The following FAXDC2 variants were observed in gnomAD, a reference collection of about 807,000 sequenced individuals.
FAXDC2 encodes fatty acid hydroxylase domain containing 2.
A neutral mutation model predicts 40.9 loss-of-function variants in FAXDC2; 41 were observed. The ratio of observed to expected loss-of-function variants is 1.00; its 90% CI spans 0.78 to 1.30. The LOEUF is 1.30. FAXDC2 is among the 50% of genes most tolerant of loss of function. The probability of loss-of-function intolerance (pLI) is 0.00; values close to 1 mark genes in which losing one functional copy is unlikely to be tolerated. For missense variants in FAXDC2, 390 were observed against 408.8 expected (o/e 0.95, Z 0.40); for synonymous variants, 157 against 149.3 (o/e 1.05, Z -0.38).
chr5:154,830,508 TG>T, intron 5 of FAXDC2: 1 of 295,028 alleles, frequency 3.4e-6, no homozygotes, highest in African/African-American at 2.1e-5. Flanking sequence ...TGGAGTTGCC[TG>T]CCTTCTCAGT....
At chr5:154,835,603 CAG>C (rs1336225653) in intron 2 of FAXDC2, among the ~76,000 whole-genome samples, 16 of 152,062 alleles carry the variant, frequency 1.1e-4, no homozygotes, top group Non-Finnish European at 2.1e-4. Context: ...TTTTTTGAGA[CAG>C]AGTCTCGCTC....
chr5:154,820,805 A>C (rs767607281), intron 8 of FAXDC2: 1 of 254,136 alleles, frequency 3.9e-6, no homozygotes, highest in Non-Finnish European at 7.9e-6. Flanking sequence ...ACTAAAATGC[A>C]GGTTTCCAGG....
chr5:154,820,434 TG>T lies in FAXDC2; in HGVS notation c.883del (p.His295ThrfsTer111). 6.2e-7 allele frequency: 1 copy of T among 1,613,042 alleles called. No individual in the cohort carries two copies. Among genetic ancestry groups the T allele is most frequent in the East Asian group, 2.2e-5 (1 of 44,784 alleles). ...QCYGVLGVLD[H>X]LHGTDTMFKQ... ...GAACATGGTGTCAGTCCCATGGAGG[TG>T]GTCCAGCACACCCAGCACCCCATAG... On this transcript the variant is annotated frameshift_variant, in exon 9 of 9. Coordinates refer to ENST00000326080, the MANE Select transcript of FAXDC2 (RefSeq NM_032385.5). LOFTEE classifies it high-confidence loss of function.
In FAXDC2 at chr5:154,822,564, G is replaced by C. The variant is rs768098182; in HGVS notation, c.586C>G (p.Pro196Ala). The change falls in exon 7 of 9, where the codon CCA becomes GCA. Residue 196 changes from proline to alanine, a missense_variant. Coordinates refer to ENST00000326080, the MANE Select transcript of FAXDC2 (RefSeq NM_032385.5). ...FYYSHRLLHHPTFYKKIHKKH... is the reference protein window; with the variant it reads ...FYYSHRLLHHATFYKKIHKKH... ...TTGTGGATTTTCTTGTAGAATGTTG[G>C]GTGGTGAAGGAGCCTGGGGAAATAG... 6.2e-7 allele frequency: 1 copy of C among 1,613,732 alleles called. No homozygotes were observed. The highest frequency in any genetic ancestry group is 1.1e-5 in the South Asian group (1 of 91,080).
At chr5:154,822,439 C>T (rs1206080548) in intron 7 of FAXDC2, 33 bp downstream of exon 7, 5 of 1,512,282 alleles carry the variant, frequency 3.3e-6, no homozygotes, top group Non-Finnish European at 3.7e-6. Flanking sequence ...GGCCATCTGC[C>T]CTTTGCTCTG....
intron 4 of FAXDC2, among the ~76,000 whole-genome samples, chr5:154,833,414 C>T (rs1376037394): frequency 2.0e-5 from 3 of 150,662 alleles, no homozygotes; most frequent in Non-Finnish European, 3.0e-5. Flanking sequence ...GGCACCATCT[C>T]GGCTCACTGC....
chr5:154,824,834 A>G, intron 5 of FAXDC2: 1 of 328,876 alleles, frequency 3.0e-6, no homozygotes, highest in African/African-American at 2.1e-5. Context: ...CACACCTGTA[A>G]TCCCAGCACT....
intron 1 of FAXDC2, among the ~76,000 whole-genome samples, chr5:154,839,750 C>T (rs1009303496): frequency 6.6e-6 from 1 of 151,858 alleles, no homozygotes; most frequent in African/African-American, 2.4e-5. Flanking sequence ...ACTAGTTGTT[C>T]AAAAATTTTA....
Position 154,827,100 on chromosome 5 carries a change from T to C in FAXDC2, c.367-3508A>G, listed in dbSNP as rs1216010480. Reference sequence around the variant, plus strand: ...CTAGTGGATCACCTGAGGCCAGGAGTTCGAGACCAGCCTGGCCAACATGGT... The same window carrying C: ...CTAGTGGATCACCTGAGGCCAGGAGCTCGAGACCAGCCTGGCCAACATGGT... On this transcript the variant is annotated intron_variant, in intron 5 of 8. Transcript: ENST00000326080. Among the ~76,000 whole-genome samples, 5 of 151,488 alleles carry C rather than the reference T, an allele frequency of 3.3e-5. No homozygotes were observed. The East Asian group carries it at 9.7e-4, about 29-fold the overall frequency.
chr5:154,818,720 C>T lies in FAXDC2; in HGVS notation c.*1596G>A, dbSNP rs1480986621. On this transcript the variant is annotated 3_prime_UTR_variant, in exon 9 of 9. Coordinates refer to ENST00000326080, the MANE Select transcript of FAXDC2 (RefSeq NM_032385.5). ...CTTACAGTACCTCAAAATCTAAAGG[C>T]CTTAAAGGGGAAAAAAACCGTATCT... 6.6e-6 allele frequency: 1 copy of T among 152,196 alleles called. No individual in the cohort carries two copies. The highest frequency in any genetic ancestry group is 1.9e-4 in the East Asian group (1 of 5,202). 9.4% of individuals were successfully genotyped at this position (152,196 alleles called of 1,614,324 possible).
At chr5:154,824,705 G>A in intron 5 of FAXDC2, 3 of 594,002 alleles carry the variant, frequency 5.1e-6, no homozygotes, top group South Asian at 4.1e-5. Flanking sequence ...ACTGGGTGTT[G>A]AAAATAAAGC....
chr5:154,847,084 C>G (rs951503987), intron 1 of FAXDC2, among the ~76,000 whole-genome samples: 1 of 152,164 alleles, frequency 6.6e-6, no homozygotes, highest in Non-Finnish European at 1.5e-5. Context: ...CCACCTCAGT[C>G]CCCTGAGTAA....
Position 154,820,275 on chromosome 5 carries a change from C to G in FAXDC2, c.*41G>C, listed in dbSNP as rs1759848323. 1.3e-6 allele frequency: 2 copies of G among 1,520,180 alleles called. No homozygotes were observed. The highest frequency in any genetic ancestry group is 1.4e-5 in the African/African-American group (1 of 72,838). The allele number at this position is 1,520,180 out of a possible 1,614,324, so 94.2% of individuals were successfully genotyped here. ...GCAATCAGGAAGCCGTGTCTGCATC[C>G]CATGGCTGAGGGACAGCCAGGATGA... is the stretch of plus-strand genomic sequence containing the variant. On this transcript the variant is annotated 3_prime_UTR_variant, in exon 9 of 9. Coordinates refer to ENST00000326080, the MANE Select transcript of FAXDC2 (RefSeq NM_032385.5).
rs981056875 is a variant in FAXDC2 at position 154,823,159 on chromosome 5, A to C, written c.572+228T>G. On this transcript the variant is annotated intron_variant, in intron 6 of 8. Coordinates refer to ENST00000326080, the MANE Select transcript of FAXDC2 (RefSeq NM_032385.5). ...CCCAAGTAGCTGGGACTACAAGTACACACCACCATGCCTGGCTAATTTTTT... is the reference window on the plus strand; with the variant it reads ...CCCAAGTAGCTGGGACTACAAGTACCCACCACCATGCCTGGCTAATTTTTT... The C allele has an allele frequency of 1.8e-4, 92 of 523,316 alleles. 1 individual carries two copies. Among genetic ancestry groups the C allele is most frequent in the Non-Finnish European group, 2.6e-4 (76 of 289,712 alleles). The allele number at this position is 523,316 out of a possible 1,614,324, so 32.4% of individuals were successfully genotyped here. A position where few individuals can be genotyped will look rare whatever the true frequency, so the allele number is the denominator to read the frequency against.
rs557543082 is a variant in FAXDC2, at chr5:154,847,487, CT to C, written c.-1+2995del. Among the ~76,000 whole-genome samples, 383 of 132,292 alleles carry C rather than the reference CT, an allele frequency of 2.9e-3. 1 individual carries two copies. Among genetic ancestry groups the C allele is most frequent in the Middle Eastern group, 4.0e-3 (1 of 250 alleles). 86.8% of individuals were successfully genotyped at this position (132,292 alleles called of 152,430 possible). A position where few individuals can be genotyped will look rare whatever the true frequency, so the allele number is the denominator to read the frequency against. The stretch of plus-strand genomic sequence containing the variant: ...GATTTTCTTTTTTCTTTCTTTCTTT[CT>C]TTTTTTTTTTTTTTTTGAGATGGAG... On this transcript the variant is annotated intron_variant, in intron 1 of 8. Coordinates refer to ENST00000326080, the MANE Select transcript of FAXDC2 (RefSeq NM_032385.5).
intron 1 of FAXDC2, among the ~76,000 whole-genome samples, chr5:154,841,636 T>C (rs1760476588): frequency 6.6e-6 from 1 of 152,230 alleles, no homozygotes; most frequent in Admixed American, 6.5e-5. Flanking sequence ...TTCCTGTGGC[T>C]TGATTCTGAG....
chr5:154,841,838 C>T (rs191391083), intron 1 of FAXDC2, among the ~76,000 whole-genome samples: 1 of 151,682 alleles, frequency 6.6e-6, no homozygotes, highest in Non-Finnish European at 1.5e-5. Context: ...CTGGTTCAAG[C>T]GATTATCCTG....
At chr5:154,824,767 AG>A in intron 5 of FAXDC2, 1 of 562,508 alleles carries the variant, frequency 1.8e-6, no homozygotes, top group South Asian at 2.2e-5. Flanking sequence ...CCAGTGAGAA[AG>A]GTAGACTAGA....
chr5:154,838,317 C>T (rs1029818037), intron 1 of FAXDC2, 139 bp from the exon 2 acceptor site: 2 of 703,416 alleles, frequency 2.8e-6, no homozygotes, highest in Non-Finnish European at 4.9e-6. Flanking sequence ...CTTCCTGAAA[C>T]CAGACAAATT....
Sources: gnomAD v4.1 joint callset for allele counts (sites outside exome capture counted in the v4.1 genomes callset) on GRCh38, gnomAD v4.1.1 for gene constraint, MANE v1.5 for transcripts, NCBI Gene and HGNC (gene_info 2026-07-23, HGNC 2026-07-21) for gene names.